Variants in NLRP14 observed in about 807,000 individuals in gnomAD.
The protein encoded by NLRP14 is NLR family pyrin domain containing 14.
A neutral mutation model predicts 94.7 loss-of-function variants in NLRP14; 105 were observed. The ratio of observed to expected loss-of-function variants is 1.11; its 90% CI spans 0.95 to 1.30. The LOEUF (loss-of-function observed/expected upper bound fraction) is 1.30. Among genes scored for constraint, NLRP14 ranks in the 50% most tolerant of loss-of-function variants. The pLI is 0.00. For synonymous variants in NLRP14, 508 were observed against 459.9 expected (o/e 1.10, Z -1.34); for missense variants, 1,362 against 1,254.1 (o/e 1.09, Z -1.30).
At chr11:7,048,591 T>C (rs1276798526) in intron 5 of NLRP14, among the ~76,000 whole-genome samples, 1 of 152,168 alleles carries the variant, frequency 6.6e-6, no homozygotes, top group Non-Finnish European at 1.5e-5. Context: ...TGACCTTAGA[T>C]TTCAAGCATC....
rs184472975 is a variant in NLRP14 at position 7,055,700 on chromosome 11, G to A, written c.2292-1977G>A. On this transcript the variant is annotated intron_variant, in intron 6 of 11. Coordinates refer to ENST00000299481, the MANE Select transcript of NLRP14 (RefSeq NM_176822.4). ...AATCCTACCCTGACCAACTCTCAAA[G>A]CAGAGCTTATTCTAGGTAGATGGAA... is the stretch of plus-strand genomic sequence containing the variant. 2.7e-3 allele frequency among the ~76,000 whole-genome samples: 410 copies of A among 152,192 alleles called. 1 individual carries two copies. The highest frequency in any genetic ancestry group is 9.4e-3 in the African/African-American group (389 of 41,540).
chr11:7,060,480 C>T (rs549593414), intron 9 of NLRP14, among the ~76,000 whole-genome samples: 1 of 151,942 alleles, frequency 6.6e-6, no homozygotes, highest in African/African-American at 2.4e-5. Flanking sequence ...TTTACAGTAT[C>T]CTACAATCTA....
At chr11:7,076,835 C>A in the NLRP14 span, among the ~76,000 whole-genome samples, 1 of 152,290 alleles carries the variant, frequency 6.6e-6, no homozygotes, top group East Asian at 1.9e-4. Context: ...TGTCTTCTTG[C>A]ACATGTGGGC....
At chr11:7,074,919 G>T (rs143324348), downstream of NLRP14, among the ~76,000 whole-genome samples, 44 of 152,230 alleles carry the variant, frequency 2.9e-4, no homozygotes, top group African/African-American at 1.1e-3. Flanking sequence ...AACATTTGAA[G>T]AAAAAAGGAA....
chr11:7,044,009 G>A (rs919459121), intron 4 of NLRP14, 25 bp downstream of exon 4: 20 of 1,610,018 alleles, frequency 1.2e-5, no homozygotes, highest in Non-Finnish European at 1.7e-5. Flanking sequence ...GCCATTCCCT[G>A]GAAGTGCCCT....
At chr11:7,082,843 A>C in the NLRP14 span, among the ~76,000 whole-genome samples, 29 of 152,266 alleles carry the variant, frequency 1.9e-4, no homozygotes, top group South Asian at 2.1e-4. Context: ...GGCTATTTTT[A>C]CCATTAGACA....
At chr11:7,023,268 T>C (rs913344666) in intron 1 of NLRP14, among the ~76,000 whole-genome samples, 1 of 148,422 alleles carries the variant, frequency 6.7e-6, no homozygotes, top group African/African-American at 2.4e-5. Context: ...TAATTTTATA[T>C]ATATAAAATC....
intron 6 of NLRP14, among the ~76,000 whole-genome samples, chr11:7,053,168 A>G (rs1852466537): frequency 6.6e-6 from 1 of 152,096 alleles, no homozygotes; most frequent in Non-Finnish European, 1.5e-5. Flanking sequence ...TTATTTTCCC[A>G]CTTTGAAATT....
At chr11:7,067,698 C>A (rs1225122774) in intron 10 of NLRP14, among the ~76,000 whole-genome samples, 1 of 152,080 alleles carries the variant, frequency 6.6e-6, no homozygotes, top group African/African-American at 2.4e-5. Flanking sequence ...GTGTAATTTA[C>A]TTTGTTAATG....
chr11:7,021,836 A>C (rs745994201), intron 1 of NLRP14, among the ~76,000 whole-genome samples: 2 of 151,450 alleles, frequency 1.3e-5, no homozygotes, highest in Non-Finnish European at 2.9e-5. Context: ...TGATAGTTGA[A>C]TTACTGAATG....
intron 1 of NLRP14, among the ~76,000 whole-genome samples, chr11:7,022,056 C>T (rs979071804): frequency 4.6e-5 from 7 of 151,996 alleles, no homozygotes; most frequent in Admixed American, 3.9e-4. Context: ...TAACAAAGAG[C>T]ACCAAGTATA....
intron 1 of NLRP14, among the ~76,000 whole-genome samples, chr11:7,028,901 T>C (rs1445221531): frequency 6.6e-6 from 1 of 151,998 alleles, no homozygotes; most frequent in Non-Finnish European, 1.5e-5. Flanking sequence ...AGGTGTGGAG[T>C]AAGGAAAGAT....
chr11:7,057,523 T>G (rs1262740437), intron 6 of NLRP14, among the ~76,000 whole-genome samples, 154 bp from the exon 7 acceptor site: 3 of 152,004 alleles, frequency 2.0e-5, no homozygotes, highest in African/African-American at 7.3e-5. Flanking sequence ...AGCCTTATGC[T>G]TTAGTTAAAT....
chr11:7,040,396 G>A (rs1404797178), intron 3 of NLRP14, among the ~76,000 whole-genome samples: 2 of 152,168 alleles, frequency 1.3e-5, no homozygotes, highest in Non-Finnish European at 1.5e-5. Context: ...GTGCATTCAA[G>A]GGATCTAGGT....
At chr11:7,066,449 C>T (rs1300714489) in intron 10 of NLRP14, among the ~76,000 whole-genome samples, 1 of 152,210 alleles carries the variant, frequency 6.6e-6, no homozygotes, top group East Asian at 1.9e-4. Context: ...TTGCATTTCT[C>T]TAATGGCCAG....
the NLRP14 span, among the ~76,000 whole-genome samples, chr11:7,086,538 T>C: frequency 6.6e-6 from 1 of 152,354 alleles, no homozygotes; most frequent in African/African-American, 2.4e-5. Flanking sequence ...AAAGGCAGAA[T>C]TTATATGCCT....
intron 3 of NLRP14, among the ~76,000 whole-genome samples, chr11:7,041,177 C>T (rs779110105): frequency 7.2e-5 from 11 of 151,984 alleles, no homozygotes; most frequent in Non-Finnish European, 1.3e-4. Flanking sequence ...CTTCTCCCTG[C>T]CTGGCCAATC....
At chr11:7,052,355 G>A (rs938181989) in intron 6 of NLRP14, among the ~76,000 whole-genome samples, 6 of 152,208 alleles carry the variant, frequency 3.9e-5, no homozygotes, top group South Asian at 2.1e-4. Context: ...AGATAAGGCC[G>A]GGTGTGGTGG....
At position 7,044,693 on chromosome 11, in the gene NLRP14, C is replaced by A. The variant is rs559667227; in HGVS notation, c.1958+709C>A. ...ATCTAAATCTGAGGAAAGATTTGAACTATGGAATTCATTCCCAGATGTATA... is the reference window on the plus strand; with the variant it reads ...ATCTAAATCTGAGGAAAGATTTGAAATATGGAATTCATTCCCAGATGTATA... On this transcript the variant is annotated intron_variant, in intron 4 of 11. Transcript: ENST00000299481. Among the ~76,000 whole-genome samples the A allele has an allele frequency of 2.0e-5, 3 of 152,280 alleles. No homozygotes were observed. In the East Asian group the frequency reaches 5.8e-4, roughly 29 times the overall value.
Sources: allele counts gnomAD v4.1 joint callset (sites outside exome capture counted in the v4.1 genomes callset), GRCh38; gene constraint gnomAD v4.1.1; transcripts MANE v1.5; gene names NCBI Gene and HGNC (gene_info 2026-07-23, HGNC 2026-07-21).